The following BCAS3 variants were observed in gnomAD, a reference collection of about 807,000 sequenced individuals.
The protein encoded by BCAS3 is BCAS4/BCAS3 fusion.
In BCAS3, 53 loss-of-function variants were observed where a neutral mutation model predicts 116.1. The observed-to-expected ratio is 0.46, with a 90% confidence interval of 0.37 to 0.57. The LOEUF (loss-of-function observed/expected upper bound fraction) is 0.57. BCAS3 is among the 20% of genes least tolerant of loss of function. BCAS3 has a pLI of 0.00. For synonymous variants in BCAS3, 391 were observed against 408.2 expected, an observed-to-expected ratio of 0.96 and a Z score of 0.51; for missense variants, 917 against 1,165.4, an observed-to-expected ratio of 0.79 and a Z score of 3.10.
intron 22 of BCAS3, among the ~76,000 whole-genome samples, chr17:61,112,555 C>T (rs2075160165): frequency 1.0e-5 from 1 of 95,690 alleles, no homozygotes; most frequent in South Asian, 4.5e-4. Context: ...AATATATATG[C>T]ACCCAATACA....
rs995953337 is a variant in BCAS3, at chr17:61,309,278, A to G, written c.2426-59049A>G. ...TTGTCAAGATGGAAAAGAGACCCAG[A>G]GTCCCCTTTCGTCCTCCCCATTCAT... On this transcript the variant is annotated intron_variant, in intron 22 of 23. Coordinates refer to ENST00000407086, the MANE Select transcript of BCAS3 (RefSeq NM_017679.5). The surrounding 1 kb of genome is among the most constrained non-coding windows in gnomAD (Gnocchi z 4.6). Among the ~76,000 whole-genome samples the G allele has an allele frequency of 1.4e-4, 22 of 152,334 alleles. No homozygotes were observed. The highest frequency in any genetic ancestry group is 2.5e-4 in the Non-Finnish European group (17 of 68,016).
At chr17:61,137,862 T>A (rs1005719232) in intron 22 of BCAS3, among the ~76,000 whole-genome samples, 3 of 152,180 alleles carry the variant, frequency 2.0e-5, no homozygotes, top group Non-Finnish European at 4.4e-5. Flanking sequence ...TTGTGGGAGT[T>A]GTTGTTTTGG....
chr17:61,234,238 C>G (rs1388843608), intron 22 of BCAS3, among the ~76,000 whole-genome samples: 1 of 152,134 alleles, frequency 6.6e-6, no homozygotes, highest in Non-Finnish European at 1.5e-5. Context: ...AAGCTTCCCA[C>G]TGAGTACTAG....
At chr17:60,816,534 A>G (rs770185685) in intron 7 of BCAS3, among the ~76,000 whole-genome samples, 1 of 152,066 alleles carries the variant, frequency 6.6e-6, no homozygotes, top group African/African-American at 2.4e-5. Flanking sequence ...CGGCCCCCCA[A>G]AATGCTGGGA....
At chr17:60,915,146 C>T (rs2058713965) in intron 12 of BCAS3, among the ~76,000 whole-genome samples, 1 of 152,266 alleles carries the variant, frequency 6.6e-6, no homozygotes, top group Middle Eastern at 3.4e-3. Context: ...TATAGACTCA[C>T]AGTGAGTTGC....
rs66627370 is a variant in BCAS3 at position 61,333,625 on chromosome 17, CT to C, written c.2426-34689del. Among the ~76,000 whole-genome samples the C allele has an allele frequency of 0.028, 3,946 of 142,366 alleles. 129 individuals carry two copies. Among genetic ancestry groups the C allele is most frequent in the African/African-American group, 0.091 (3,499 of 38,506 alleles). 93.4% of individuals were successfully genotyped at this position (142,366 alleles called of 152,430 possible). ...AGTTCTTGAAACTTTCTTTTTTTTT[CT>C]TTTTTTTTTTTTGAGACAGAGTCTC... On this transcript the variant is annotated intron_variant, in intron 22 of 23. Coordinates refer to ENST00000407086, the MANE Select transcript of BCAS3 (RefSeq NM_017679.5). The surrounding 1 kb of genome is among the most constrained non-coding windows in gnomAD (Gnocchi z 4.8).
chr17:61,078,577 T>G, intron 21 of BCAS3, 48 bp downstream of exon 21: 11 of 1,494,910 alleles, frequency 7.4e-6, no homozygotes, highest in Non-Finnish European at 1.0e-5. Flanking sequence ...GATTAATATG[T>G]TCGTGTGAAA....
intron 15 of BCAS3, among the ~76,000 whole-genome samples, chr17:61,003,547 C>T (rs946697631): frequency 6.6e-6 from 1 of 151,908 alleles, no homozygotes; most frequent in African/African-American, 2.4e-5. Context: ...CCTGCCTCAG[C>T]CTCCCAAAAT....
chr17:61,299,384 A>G (rs1034444536), intron 22 of BCAS3, among the ~76,000 whole-genome samples: 1 of 140,490 alleles, frequency 7.1e-6, no homozygotes, highest in Non-Finnish European at 1.5e-5. Flanking sequence ...CGGAGCTTGC[A>G]GTGAGCTGAG....
intron 22 of BCAS3, among the ~76,000 whole-genome samples, chr17:61,321,626 G>T (rs2055221302): frequency 6.6e-6 from 1 of 152,194 alleles, no homozygotes; most frequent in Non-Finnish European, 1.5e-5. Flanking sequence ...AGGGAACCTT[G>T]CTTTGTTGAC....
intron 22 of BCAS3, among the ~76,000 whole-genome samples, chr17:61,091,085 TAGA>T (rs1399480206): frequency 6.6e-6 from 1 of 152,204 alleles, no homozygotes; most frequent in African/African-American, 2.4e-5. Context: ...TAAACAAAAG[TAGA>T]AGAAGCTATT....
intron 19 of BCAS3, among the ~76,000 whole-genome samples, chr17:61,048,906 A>G (rs1241440723): frequency 6.6e-6 from 1 of 152,022 alleles, no homozygotes. Context: ...ACTGTATTCC[A>G]TATGTTCAAA....
At position 61,173,695 on chromosome 17, in the gene BCAS3, A is replaced by G. The variant is rs549589143; in HGVS notation, c.2425+89131A>G. 9.5e-4 allele frequency among the ~76,000 whole-genome samples: 145 copies of G among 152,116 alleles called. 1 individual carries two copies. The highest frequency in any genetic ancestry group is 3.1e-3 in the African/African-American group (128 of 41,512). ...GGAGTTTGAGACCAGCTTGGGCAAC[A>G]TAGGAAGACCTCACCTCTATAAAAC... is the stretch of plus-strand genomic sequence containing the variant. On this transcript the variant is annotated intron_variant, in intron 22 of 23. Coordinates refer to ENST00000407086, the MANE Select transcript of BCAS3 (RefSeq NM_017679.5).
chr17:60,971,799 T>C (rs2061978828), intron 14 of BCAS3, among the ~76,000 whole-genome samples: 1 of 152,196 alleles, frequency 6.6e-6, no homozygotes, highest in Admixed American at 6.5e-5. Flanking sequence ...GTTGGGCTCT[T>C]CCCACCTTGT....
Position 61,226,499 on chromosome 17 carries a change from G to A in BCAS3, c.2426-141828G>A, listed in dbSNP as rs1383559132. ...TTGAATACACTTTGCTGTAGGACAG[G>A]GCCTAGCCCATAATAGGCATGCAGT... On this transcript the variant is annotated intron_variant, in intron 22 of 23. Transcript: ENST00000407086. The surrounding 1 kb of genome is among the most constrained non-coding windows in gnomAD (Gnocchi z 6.0). 1.3e-5 allele frequency among the ~76,000 whole-genome samples: 2 copies of A among 151,974 alleles called. No homozygotes were observed. The highest frequency in any genetic ancestry group is 3.9e-4 in the East Asian group (2 of 5,188).
In BCAS3 at chr17:61,285,651, A is replaced by T. The variant is rs140774707; in HGVS notation, c.2426-82676A>T. On this transcript the variant is annotated intron_variant, in intron 22 of 23. Transcript: ENST00000407086. This position sits in a 1 kb window ranked among gnomAD's most constrained non-coding sequence, Gnocchi z 5.4. The stretch of plus-strand genomic sequence containing the variant: ...TGGCTTTGATTAAGTGCAAATTAGA[A>T]TCACACTTCACTCCAGTGTGATTTA... 1.3e-5 allele frequency among the ~76,000 whole-genome samples: 2 copies of T among 152,236 alleles called. No individual in the cohort carries two copies. The highest frequency in any genetic ancestry group is 4.8e-5 in the African/African-American group (2 of 41,460).
rs1270166117 is a variant in BCAS3, at chr17:61,315,397, G to T, written c.2426-52930G>T. ...GCCTCCCAAAGTGCTGGGATTACAG[G>T]TGTGAGCCACCGCGCCCAGCCAACG... On this transcript the variant is annotated intron_variant, in intron 22 of 23. Coordinates refer to ENST00000407086, the MANE Select transcript of BCAS3 (RefSeq NM_017679.5). This position sits in a 1 kb window ranked among gnomAD's most constrained non-coding sequence, Gnocchi z 5.3. Among the ~76,000 whole-genome samples, 2 of 152,170 alleles carry T rather than the reference G, an allele frequency of 1.3e-5. No individual in the cohort carries two copies. Among genetic ancestry groups the T allele is most frequent in the African/African-American group, 4.8e-5 (2 of 41,444 alleles).
intron 7 of BCAS3, among the ~76,000 whole-genome samples, chr17:60,843,340 C>T (rs939900196): frequency 6.6e-6 from 1 of 151,830 alleles, no homozygotes; most frequent in Non-Finnish European, 1.5e-5. Context: ...CCTCAGCCTC[C>T]CGAGTAGCTG....
rs1426565033 is a variant in BCAS3, at chr17:61,021,298, G to T, written c.1637+5397G>T. On this transcript the variant is annotated intron_variant, in intron 16 of 23. Coordinates refer to ENST00000407086, the MANE Select transcript of BCAS3 (RefSeq NM_017679.5). The surrounding 1 kb of genome is among the most constrained non-coding windows in gnomAD (Gnocchi z 4.6). Reference sequence around the variant, plus strand: ...TGGTCTTGAACTCCTGGTCTCAAGTGATCCAACTGCCTTAGCCTCCCAAAG... The same window carrying T: ...TGGTCTTGAACTCCTGGTCTCAAGTTATCCAACTGCCTTAGCCTCCCAAAG... Among the ~76,000 whole-genome samples the T allele has an allele frequency of 6.6e-6, 1 of 152,148 alleles. No homozygotes were observed. The highest frequency in any genetic ancestry group is 1.9e-4 in the East Asian group (1 of 5,198).
Sources: allele counts gnomAD v4.1 joint callset (sites outside exome capture counted in the v4.1 genomes callset), GRCh38; gene constraint gnomAD v4.1.1; non-coding constraint Gnocchi (gnomAD v3.1); transcripts MANE v1.5; gene names NCBI Gene and HGNC (gene_info 2026-07-23, HGNC 2026-07-21).